CDH19: variants seen among roughly 807,000 people sequenced by gnomAD.
CDH19 encodes cadherin-19.
CDH19 carries 67 observed loss-of-function variants against 64.2 expected under a neutral mutation model. The ratio of observed to expected loss-of-function variants is 1.04; its 90% confidence interval spans 0.86 to 1.28. The LOEUF is 1.28. CDH19 is among the 50% of genes most tolerant of loss of function. The pLI is 0.00. For missense variants in CDH19, 1,030 were observed against 929.0 expected (o/e 1.11, Z -1.41); for synonymous variants, 346 against 319.3 (o/e 1.08, Z -0.89).
intron 1 of CDH19, among the ~76,000 whole-genome samples, chr18:66,575,352 C>T (rs1410006049): frequency 6.6e-6 from 1 of 151,794 alleles, no homozygotes. Flanking sequence ...TGGAGAAAGA[C>T]CTCTGCCCAA....
Position 66,558,743 on chromosome 18 carries a change from T to G in CDH19, c.491-4219A>C, listed in dbSNP as rs1034567202. ...CCAATAAAGTGTCTTTCAGTGGAAA[T>G]GATCAATTGTCTTATAGTGCCCCTT... On this transcript the variant is annotated intron_variant, in intron 3 of 11. Coordinates refer to ENST00000262150, the MANE Select transcript of CDH19 (RefSeq NM_021153.4). Among the ~76,000 whole-genome samples the G allele has an allele frequency of 3.9e-5, 6 of 152,048 alleles. No homozygotes were observed. In the South Asian group the frequency reaches 1.2e-3, roughly 31 times the overall value.
chr18:66,506,196 G>T (rs1195815205), intron 11 of CDH19, among the ~76,000 whole-genome samples: 1 of 151,960 alleles, frequency 6.6e-6, no homozygotes, highest in Non-Finnish European at 1.5e-5. Flanking sequence ...CTGAAGAGAG[G>T]TTATTCAATT....
intron 1 of CDH19, among the ~76,000 whole-genome samples, chr18:66,599,988 G>A (rs1445835430): frequency 6.6e-6 from 1 of 151,818 alleles, no homozygotes; most frequent in Non-Finnish European, 1.5e-5. Context: ...TGAAACAGTC[G>A]TGAATATAGT....
intron 3 of CDH19, among the ~76,000 whole-genome samples, chr18:66,557,416 T>C (rs1987558996): frequency 1.3e-5 from 2 of 152,044 alleles, no homozygotes; most frequent in Admixed American, 6.6e-5. Context: ...GAGAATCTAA[T>C]GTATTCTGTT....
intron 3 of CDH19, among the ~76,000 whole-genome samples, chr18:66,563,004 T>A (rs1463083121): frequency 6.6e-6 from 1 of 152,134 alleles, no homozygotes; most frequent in Non-Finnish European, 1.5e-5. Flanking sequence ...CATGCAGATG[T>A]TTAACATGGC....
Position 66,501,503 on chromosome 18 carries a change from A to G in CDH19, c.*3309T>C, listed in dbSNP as rs1280814221. 1 of 152,196 alleles carries G rather than the reference A, an allele frequency of 6.6e-6. No homozygotes were observed. Among genetic ancestry groups the G allele is most frequent in the Non-Finnish European group, 1.5e-5 (1 of 68,086 alleles). 9.4% of individuals were successfully genotyped at this position (152,196 alleles called of 1,614,324 possible). ...TGAGGAGGAGAGAGGAAAGAGGAGA[A>G]ACTGCACAAGTGGGTAGAGATGGGA... On this transcript the variant is annotated 3_prime_UTR_variant, in exon 12 of 12. Transcript: ENST00000262150.
intron 1 of CDH19, among the ~76,000 whole-genome samples, chr18:66,599,769 A>T (rs1462186638): frequency 2.0e-5 from 3 of 152,046 alleles, no homozygotes; most frequent in African/African-American, 4.8e-5. Flanking sequence ...TGAATATAGG[A>T]TAAATAAATT....
rs1986377205 is a variant in CDH19, at chr18:66,529,961, T to C, written c.1342A>G (p.Ile448Val). The C allele has an allele frequency of 5.4e-6, 8 of 1,489,238 alleles. No homozygotes were observed. Among genetic ancestry groups the C allele is most frequent in the Non-Finnish European group, 7.3e-6 (8 of 1,097,376 alleles). The allele number at this position is 1,489,238 out of a possible 1,614,324, so 92.3% of individuals were successfully genotyped here. A position where few individuals can be genotyped will look rare whatever the true frequency, so the allele number is the denominator to read the frequency against. The change falls in exon 9 of 12, where the codon ATA (isoleucine) becomes GTA (valine). Residue 448 changes from isoleucine to valine, a missense_variant. Transcript: ENST00000262150. ...AGTGGGATCGAAGAGATCTGTTCTATATTGTCTGCAATTTGAATATATATA... is the reference window on the plus strand; with the variant it reads ...AGTGGGATCGAAGAGATCTGTTCTACATTGTCTGCAATTTGAATATATATA... ...LSITATEKYN[I>V]EQISSIPLYV...
chr18:66,529,902 A>G lies in CDH19; in HGVS notation c.1401T>C (p.Ala467=). ...YVQVLNINDH[A]PEFSQYYETY... is the part of the protein sequence containing the mutation. ...TCTCATAGTATTGAGAGAACTCAGG[A>G]GCATGATCATTGATGTTAAGAACTT... Residue 467 remains alanine, a synonymous_variant, in exon 9 of 12, where the codon GCT becomes GCC. Coordinates refer to ENST00000262150, the MANE Select transcript of CDH19 (RefSeq NM_021153.4). 6.3e-7 allele frequency: 1 copy of G among 1,592,502 alleles called. No individual in the cohort carries two copies. The highest frequency in any genetic ancestry group is 8.6e-7 in the Non-Finnish European group (1 of 1,164,822).
At position 66,568,644 on chromosome 18, in the gene CDH19, T is replaced by G; in HGVS notation, c.262A>C (p.Ser88Arg). 1 of 1,611,498 alleles carries G rather than the reference T, an allele frequency of 6.2e-7. No homozygotes were observed. Among genetic ancestry groups the G allele is most frequent in the Non-Finnish European group, 8.5e-7 (1 of 1,178,574 alleles). Residue 88 changes from serine to arginine, a missense_variant, in exon 3 of 12, where the codon AGT becomes CGT. By Grantham distance (110) the Ser-to-Arg change is moderately radical (BLOSUM62 -1). Coordinates refer to ENST00000262150, the MANE Select transcript of CDH19 (RefSeq NM_021153.4). ...GTTCTTTCATCAATGATAAAAGTAC[T>G]TCCAGCTCCAGCTCCCAAAAGCTTG... is the stretch of plus-strand genomic sequence containing the variant. Reference protein sequence around the residue: ...QYKLLGAGAGSTFIIDERTGD... With the variant: ...QYKLLGAGAGRTFIIDERTGD...
intron 4 of CDH19, 134 bp downstream of exon 4, chr18:66,554,271 G>T: frequency 1.3e-6 from 1 of 771,470 alleles, no homozygotes; most frequent in Non-Finnish European, 2.0e-6. Context: ...GTAATTAAAT[G>T]CTTAGGAATT....
At chr18:66,582,069 C>T (rs899956536) in intron 1 of CDH19, among the ~76,000 whole-genome samples, 4 of 152,056 alleles carry the variant, frequency 2.6e-5, no homozygotes, top group Non-Finnish European at 4.4e-5. Flanking sequence ...GCATAAATAT[C>T]TAACACTGTG....
At chr18:66,523,150 A>C (rs998998764) in intron 9 of CDH19, among the ~76,000 whole-genome samples, 1 of 152,274 alleles carries the variant, frequency 6.6e-6, no homozygotes, top group Non-Finnish European at 1.5e-5. Context: ...CCTCACTAAC[A>C]GATCACAGAA....
chr18:66,588,421 A>C (rs1343644340), intron 1 of CDH19, among the ~76,000 whole-genome samples: 1 of 151,948 alleles, frequency 6.6e-6, no homozygotes, highest in Non-Finnish European at 1.5e-5. Context: ...GGTAGGAAAG[A>C]GTTCAGCGAG....
At chr18:66,507,888 C>T (rs560062939) in intron 11 of CDH19, among the ~76,000 whole-genome samples, 22 of 151,830 alleles carry the variant, frequency 1.4e-4, no homozygotes, top group African/African-American at 5.3e-4. Context: ...ATATATTCAT[C>T]ACCTTAAATA....
At chr18:66,520,502 G>A (rs1027975340) in intron 9 of CDH19, among the ~76,000 whole-genome samples, 4 of 150,348 alleles carry the variant, frequency 2.7e-5, no homozygotes, top group African/African-American at 9.8e-5. Flanking sequence ...TTCTTTTTTT[G>A]AGTTAATTTG....
chr18:66,553,817 A>G (rs1302389483), intron 4 of CDH19, among the ~76,000 whole-genome samples: 2 of 134,596 alleles, frequency 1.5e-5, no homozygotes, highest in Non-Finnish European at 3.0e-5. Flanking sequence ...TACTTATTTT[A>G]TATTCAATTG....
At chr18:66,583,797 A>G (rs545684195) in intron 1 of CDH19, among the ~76,000 whole-genome samples, 2 of 152,140 alleles carry the variant, frequency 1.3e-5, no homozygotes, top group Non-Finnish European at 2.9e-5. Flanking sequence ...CTGGCTAGCC[A>G]TATACAAAAG....
intron 7 of CDH19, among the ~76,000 whole-genome samples, chr18:66,540,922 A>C (rs959154682): frequency 6.6e-6 from 1 of 152,270 alleles, no homozygotes; most frequent in Non-Finnish European, 1.5e-5. Context: ...TTATGGTAGT[A>C]ATTTTATTAC....
Sources: allele counts gnomAD v4.1 joint callset (sites outside exome capture counted in the v4.1 genomes callset), GRCh38; gene constraint gnomAD v4.1.1; transcripts MANE v1.5; gene names NCBI Gene and HGNC (gene_info 2026-07-23, HGNC 2026-07-21).